The following PHF20L1 variants were observed in gnomAD, a reference collection of about 807,000 sequenced individuals.
PHF20L1 encodes PHD finger protein 20 like 1.
Under a neutral mutation model 125.5 loss-of-function variants are expected in PHF20L1, and 44 were observed. The ratio of observed to expected loss-of-function variants is 0.35; its 90% CI spans 0.28 to 0.45. PHF20L1 has a LOEUF of 0.45. PHF20L1 is among the 20% of genes least tolerant of loss of function. The pLI, the probability that PHF20L1 is intolerant of heterozygous loss-of-function variation, is 1.00. For missense variants in PHF20L1, 1,012 were observed against 1,217.2 expected (o/e 0.83, Z 2.51); for synonymous variants, 380 against 403.1 (o/e 0.94, Z 0.69).
intron 12 of PHF20L1, 115 bp downstream of exon 12, chr8:132,817,660 T>G (rs1338819624): frequency 1.5e-6 from 1 of 677,666 alleles, no homozygotes; most frequent in East Asian, 2.7e-5. Context: ...ATAATTCCTT[T>G]TCATAAATAC....
intron 6 of PHF20L1, among the ~76,000 whole-genome samples, chr8:132,800,542 G>T (rs1330808633): frequency 1.3e-5 from 2 of 151,572 alleles, no homozygotes; most frequent in African/African-American, 4.8e-5. Flanking sequence ...TCTAAATTTT[G>T]AGTACTTTGA....
intron 7 of PHF20L1, 129 bp downstream of exon 7, chr8:132,804,161 T>A: frequency 1.5e-6 from 1 of 651,220 alleles, no homozygotes. Flanking sequence ...TAGCATAATA[T>A]GATGGCTAAC....
intron 2 of PHF20L1, 62 bp from the exon 3 acceptor site, chr8:132,794,348 T>A: frequency 2.0e-6 from 2 of 1,019,596 alleles, no homozygotes; most frequent in Non-Finnish European, 3.0e-6. Context: ...AATCTATGTA[T>A]AATGCTTTGT....
At chr8:132,807,510 A>C (rs1426009426) in intron 8 of PHF20L1, 1 of 276,418 alleles carries the variant, frequency 3.6e-6, no homozygotes, top group East Asian at 1.0e-4. Flanking sequence ...AAGGAATTTA[A>C]AAAGTTTAAA....
At chr8:132,789,843 T>C (rs1831469479) in intron 2 of PHF20L1, among the ~76,000 whole-genome samples, 1 of 152,200 alleles carries the variant, frequency 6.6e-6, no homozygotes, top group Non-Finnish European at 1.5e-5. Context: ...TGTAGAATTT[T>C]GGCACTGAGA....
intron 8 of PHF20L1, chr8:132,808,810 T>G (rs1185836656): frequency 7.8e-6 from 1 of 128,392 alleles, no homozygotes; most frequent in Non-Finnish European, 1.6e-5. Flanking sequence ...AGTTTTTTGG[T>G]TTTTGCTTTT....
rs771662820 is a variant in PHF20L1 at position 132,811,079 on chromosome 8, G to A, written c.881G>A (p.Gly294Asp). Residue 294 changes from glycine to aspartate, a missense_variant, in exon 9 of 21, where the codon GGT becomes GAT. Physicochemically the swap from Gly to Asp is moderately conservative, Grantham distance 94. This residue lies in a region of PHF20L1 where 13 missense variants were observed against 39.3 expected (regional missense o/e 0.33). Coordinates refer to ENST00000395386, the MANE Select transcript of PHF20L1 (RefSeq NM_016018.5). ...GCATCCAAAGCTGTTGGGGTTGATG[G>A]TGCTGAAAAAAAGGAAGACTACAAT... Reference protein sequence around the residue: ...LLASKAVGVDGAEKKEDYNET... With the variant: ...LLASKAVGVDDAEKKEDYNET... The A allele has an allele frequency of 6.2e-7, 1 of 1,611,374 alleles. No homozygotes were observed. Among genetic ancestry groups the A allele is most frequent in the African/African-American group, 1.3e-5 (1 of 74,830 alleles).
chr8:132,820,036 T>C (rs1440770060), intron 12 of PHF20L1, among the ~76,000 whole-genome samples: 1 of 151,844 alleles, frequency 6.6e-6, no homozygotes. Context: ...TCTTAATTGT[T>C]TTCCAATAGA....
At chr8:132,800,799 C>T (rs1212427478) in intron 6 of PHF20L1, among the ~76,000 whole-genome samples, 1 of 151,568 alleles carries the variant, frequency 6.6e-6, no homozygotes, top group African/African-American at 2.4e-5. Flanking sequence ...TTAGCTTGAG[C>T]ACCTTAAAGA....
intron 12 of PHF20L1, among the ~76,000 whole-genome samples, chr8:132,823,335 A>T (rs1193640033): frequency 6.6e-6 from 1 of 151,936 alleles, no homozygotes; most frequent in Non-Finnish European, 1.5e-5. Context: ...AGTATGCTTT[A>T]ATATGGAGTT....
intron 4 of PHF20L1, 60 bp from the exon 5 acceptor site, chr8:132,798,712 C>G: frequency 9.4e-7 from 1 of 1,059,318 alleles, no homozygotes; most frequent in South Asian, 1.4e-5. Context: ...TGTTAGATTT[C>G]AAGTGTTGCT....
At position 132,814,647 on chromosome 8, in the gene PHF20L1, C is replaced by T; in HGVS notation, c.941C>T (p.Pro314Leu). ...TTATTATTTATTCAGGCGATTTCACCTAAACCTCAAAGTCAGAAAAAAAAT... is the reference window on the plus strand; with the variant it reads ...TTATTATTTATTCAGGCGATTTCACTTAAACCTCAAAGTCAGAAAAAAAAT... The part of the protein sequence containing the change: ...TAPMLEQAIS[P>L]KPQSQKKNEA... The change falls in exon 10 of 21, where the codon CCT (proline) becomes CTT (leucine). Residue 314 changes from proline to leucine, a missense_variant. This residue lies in a region of PHF20L1 where 119 missense variants were observed against 160.2 expected (regional missense o/e 0.74). Transcript: ENST00000395386. 1 of 1,589,632 alleles carries T rather than the reference C, an allele frequency of 6.3e-7. No homozygotes were observed.
intron 2 of PHF20L1, among the ~76,000 whole-genome samples, chr8:132,792,588 C>T (rs1831861297): frequency 2.0e-5 from 3 of 152,204 alleles, no homozygotes; most frequent in South Asian, 4.1e-4. Flanking sequence ...TTTAAAGCGG[C>T]TTCTTACGCC....
intron 2 of PHF20L1, among the ~76,000 whole-genome samples, chr8:132,780,322 A>G (rs946188722): frequency 6.6e-6 from 1 of 152,170 alleles, no homozygotes; most frequent in Non-Finnish European, 1.5e-5. Flanking sequence ...TTTTATTTAT[A>G]AATAGGATAA....
At chr8:132,808,203 T>C (rs1833955088) in intron 8 of PHF20L1, 1 of 152,332 alleles carries the variant, frequency 6.6e-6, no homozygotes, top group Non-Finnish European at 1.5e-5. Context: ...GATAACCAAG[T>C]ATGCATTTTA....
At chr8:132,779,348 TA>T (rs1156539606) in intron 2 of PHF20L1, among the ~76,000 whole-genome samples, 2 of 152,222 alleles carry the variant, frequency 1.3e-5, no homozygotes, top group Non-Finnish European at 2.9e-5. Context: ...AACTCAGCAT[TA>T]GACCATGCAA....
chr8:132,817,608 T>A lies in PHF20L1; in HGVS notation c.1579+63T>A, dbSNP rs77576719. Reference sequence around the variant, plus strand: ...AGTAGCTAGGCTTGCAGTTATTAGGTATAAACATTTTGAGGTTTAACTACA... The same window carrying A: ...AGTAGCTAGGCTTGCAGTTATTAGGAATAAACATTTTGAGGTTTAACTACA... On this transcript the variant is annotated intron_variant, in intron 12 of 20. Transcript: ENST00000395386. 4.0e-3 allele frequency: 4,592 copies of A among 1,139,318 alleles called. 133 individuals are homozygous for A. In the African/African-American group the frequency reaches 0.062, roughly 15 times the overall value. 70.6% of individuals were successfully genotyped at this position (1,139,318 alleles called of 1,614,324 possible).
chr8:132,847,812 G>T lies in PHF20L1; in HGVS notation c.*1889G>T, dbSNP rs1460387388. 6.6e-6 allele frequency: 1 copy of T among 152,432 alleles called. No individual in the cohort carries two copies. The highest frequency in any genetic ancestry group is 2.4e-5 in the African/African-American group (1 of 41,402). 9.4% of individuals were successfully genotyped at this position (152,432 alleles called of 1,614,324 possible). A position where few individuals can be genotyped will look rare whatever the true frequency, so the allele number is the denominator to read the frequency against. Reference sequence around the variant, plus strand: ...AGCTTTAGCAGAGGTGGTATTGTGGGGTAATTGCTTAAATTTACATATCAA... The same window carrying T: ...AGCTTTAGCAGAGGTGGTATTGTGGTGTAATTGCTTAAATTTACATATCAA... On this transcript the variant is annotated 3_prime_UTR_variant, in exon 21 of 21. Coordinates refer to ENST00000395386, the MANE Select transcript of PHF20L1 (RefSeq NM_016018.5).
In PHF20L1 at chr8:132,817,416, A is replaced by G. The variant is rs1247715852; in HGVS notation, c.1450A>G (p.Thr484Ala). Residue 484 changes from threonine (T) to alanine (A), a missense_variant, in exon 12 of 21, where the codon ACA becomes GCA. Around this residue, in one of 7 missense-constraint regions of PHF20L1, gnomAD observed 320 missense variants for 293.8 expected, o/e 1.09. Transcript: ENST00000395386. ...TGACTTAAGTCGTGGTTCAGAAGTT[A>G]CAGCACCGGTAGCCTCAGATTCCTC... is the stretch of plus-strand genomic sequence containing the variant. ...PLDLSRGSEV[T>A]APVASDSSYR... 1.6e-5 allele frequency: 26 copies of G among 1,612,742 alleles called. No homozygotes were observed. Among genetic ancestry groups the G allele is most frequent in the Non-Finnish European group, 2.2e-5 (26 of 1,179,234 alleles).
Sources: gnomAD v4.1 joint callset for allele counts (sites outside exome capture counted in the v4.1 genomes callset) on GRCh38, gnomAD v4.1.1 for gene constraint, gnomAD v4.1.1 regional missense constraint, MANE v1.5 for transcripts, NCBI Gene and HGNC (gene_info 2026-07-23, HGNC 2026-07-21) for gene names.